PACRG: variants seen among roughly 807,000 people sequenced by gnomAD.
PACRG encodes the protein parkin coregulated, also known as parkin coregulated gene protein.
PACRG carries 29 observed loss-of-function variants against 29.7 expected under a neutral mutation model. The ratio of observed to expected loss-of-function variants is 0.98; its 90% CI spans 0.73 to 1.33. PACRG has a LOEUF of 1.33. PACRG is among the 40% of genes most tolerant of loss of function. The pLI, the probability that PACRG is intolerant of heterozygous loss-of-function variation, is 0.00. For synonymous variants in PACRG, 116 were observed against 118.7 expected (o/e 0.98, Z 0.15); for missense variants, 279 against 316.2 (o/e 0.88, Z 0.89).
chr6:162,834,957 A>G (rs1789094534), intron 2 of PACRG, among the ~76,000 whole-genome samples: 1 of 152,094 alleles, frequency 6.6e-6, no homozygotes, highest in African/African-American at 2.4e-5. Context: ...TTAAGTTAAA[A>G]TAAACTATAA....
At chr6:162,753,972 A>G (rs1781708688) in intron 1 of PACRG, among the ~76,000 whole-genome samples, 1 of 152,144 alleles carries the variant, frequency 6.6e-6, no homozygotes, top group African/African-American at 2.4e-5. Context: ...TCTTTGACAT[A>G]TTGATTTCAG....
intron 2 of PACRG, among the ~76,000 whole-genome samples, chr6:162,848,015 C>T (rs1790552174): frequency 6.6e-6 from 1 of 152,030 alleles, no homozygotes; most frequent in Non-Finnish European, 1.5e-5. Context: ...CCAAGTTGCT[C>T]CTTAGTGACC....
intron 4 of PACRG, among the ~76,000 whole-genome samples, chr6:163,132,572 C>T (rs1317348048): frequency 3.9e-5 from 6 of 152,116 alleles, no homozygotes; most frequent in African/African-American, 7.2e-5. Flanking sequence ...GTGAAGCTGT[C>T]GGCAGTCCTG....
At chr6:163,222,364 G>A (rs55730250) in intron 4 of PACRG, among the ~76,000 whole-genome samples, 32,945 of 152,012 alleles carry the variant, frequency 0.22, 4,676 homozygotes, top group African/African-American at 0.4. Context: ...TGGATCCCCC[G>A]AGGTCAGGCG....
intron 4 of PACRG, among the ~76,000 whole-genome samples, chr6:163,213,855 A>C (rs1047170865): frequency 1.7e-4 from 24 of 144,082 alleles, no homozygotes; most frequent in Non-Finnish European, 3.5e-4. Flanking sequence ...GCTCTAACTG[A>C]AATTTACATT....
chr6:162,795,222 T>C (rs2128332985), intron 1 of PACRG, among the ~76,000 whole-genome samples: 1 of 147,720 alleles, frequency 6.8e-6, no homozygotes, highest in Non-Finnish European at 1.5e-5. Flanking sequence ...GATGAGGAGA[T>C]CAGAGAAGAG....
chr6:163,064,406 TG>T (rs1302163397), intron 3 of PACRG, among the ~76,000 whole-genome samples: 1 of 152,218 alleles, frequency 6.6e-6, no homozygotes, highest in African/African-American at 2.4e-5. Context: ...AAACATGATT[TG>T]TCAGGGAAAA....
chr6:163,252,481 G>C (rs987727792), intron 4 of PACRG, among the ~76,000 whole-genome samples: 8 of 152,234 alleles, frequency 5.3e-5, no homozygotes, highest in Non-Finnish European at 1.5e-5. Context: ...GGGTCCCGTG[G>C]CTCTGACTGA....
At chr6:163,244,219 ATTTT>A (rs151258124) in intron 4 of PACRG, among the ~76,000 whole-genome samples, 1 of 151,780 alleles carries the variant, frequency 6.6e-6, no homozygotes, top group Non-Finnish European at 1.5e-5. Flanking sequence ...CATTTAAATC[ATTTT>A]TTTTCCTAAA....
intron 4 of PACRG, among the ~76,000 whole-genome samples, chr6:163,158,602 T>G (rs1778419659): frequency 6.6e-6 from 1 of 152,214 alleles, no homozygotes; most frequent in Non-Finnish European, 1.5e-5. Context: ...TTTTCAAATT[T>G]GTGTTTTAAA....
At chr6:162,806,808 A>G (rs1014214405) in intron 1 of PACRG, among the ~76,000 whole-genome samples, 1 of 152,200 alleles carries the variant, frequency 6.6e-6, no homozygotes, top group Non-Finnish European at 1.5e-5. Flanking sequence ...GCCCCTAACA[A>G]GAGAGTCAGC....
At chr6:162,956,065 T>A (rs1800006937) in intron 2 of PACRG, among the ~76,000 whole-genome samples, 1 of 152,276 alleles carries the variant, frequency 6.6e-6, no homozygotes, top group Admixed American at 6.5e-5. Context: ...GGCAAGCACA[T>A]ACCCTGTTGC....
At chr6:163,159,203 T>C (rs993515577) in intron 4 of PACRG, among the ~76,000 whole-genome samples, 3 of 151,790 alleles carry the variant, frequency 2.0e-5, no homozygotes, top group East Asian at 1.9e-4. Flanking sequence ...TATATCTATC[T>C]GGCATTTAGC....
chr6:162,987,109 CA>C (rs1296883138), intron 2 of PACRG, among the ~76,000 whole-genome samples: 3 of 151,964 alleles, frequency 2.0e-5, no homozygotes, highest in Non-Finnish European at 4.4e-5. Context: ...GTCATATTAC[CA>C]GAATGTCTTT....
intron 2 of PACRG, among the ~76,000 whole-genome samples, chr6:162,915,287 C>G (rs1351403457): frequency 6.6e-6 from 1 of 150,402 alleles, no homozygotes; most frequent in Non-Finnish European, 1.5e-5. Flanking sequence ...TTTTTTTAGA[C>G]CAGGGGTAGG....
chr6:162,995,040 A>C (rs1482305218), intron 2 of PACRG, among the ~76,000 whole-genome samples: 2 of 151,218 alleles, frequency 1.3e-5, no homozygotes, highest in Admixed American at 6.6e-5. Context: ...GGTGCCTCCC[A>C]GTTAGGCTGC....
At chr6:163,247,299 A>G (rs966900370) in intron 4 of PACRG, among the ~76,000 whole-genome samples, 1 of 152,212 alleles carries the variant, frequency 6.6e-6, no homozygotes, top group Non-Finnish European at 1.5e-5. Flanking sequence ...AATCTGCCAC[A>G]GGCCTGCCAC....
intron 4 of PACRG, among the ~76,000 whole-genome samples, chr6:163,223,428 G>A (rs1781665872): frequency 6.6e-6 from 1 of 152,002 alleles, no homozygotes; most frequent in Admixed American, 6.6e-5. Flanking sequence ...AGAATATTAA[G>A]GATAAACTAA....
intron 1 of PACRG, among the ~76,000 whole-genome samples, chr6:162,779,006 C>A (rs1027228137): frequency 6.6e-6 from 1 of 152,164 alleles, no homozygotes; most frequent in Non-Finnish European, 1.5e-5. Context: ...CACCCATTAG[C>A]GGTTCTTCCT....
Sources: gnomAD v4.1 joint callset for allele counts (sites outside exome capture counted in the v4.1 genomes callset) on GRCh38, gnomAD v4.1.1 for gene constraint, MANE v1.5 for transcripts, NCBI Gene and HGNC (gene_info 2026-07-23, HGNC 2026-07-21) for gene names.